DNAAF6: variants seen among roughly 807,000 people sequenced by gnomAD.
DNAAF6 encodes PIH1 domain containing 3.
Under a neutral mutation model 13.7 loss-of-function variants are expected in DNAAF6, and 3 were observed. The ratio of observed to expected loss-of-function variants is 0.22; its 90% CI spans 0.10 to 0.56. The LOEUF is 0.56. Among genes scored for constraint, DNAAF6 ranks in the 20% least tolerant of loss-of-function variants. The probability of loss-of-function intolerance (pLI) is 0.92; values close to 1 mark genes in which losing one functional copy is unlikely to be tolerated. For missense variants in DNAAF6, 130 were observed against 151.0 expected (o/e 0.86, Z 0.73); for synonymous variants, 54 against 49.2 (o/e 1.10, Z -0.41).
At chrX:107,207,963 C>A (rs1310280023) in intron 1 of DNAAF6, among the ~76,000 whole-genome samples, 1 of 110,607 alleles carries the variant, frequency 9.0e-6, no homozygotes. Context: ...TAAAAAGAGT[C>A]CCTCCAACTT....
chrX:107,217,078 AGAT>A (rs946795815), intron 3 of DNAAF6, among the ~76,000 whole-genome samples: 9 of 111,667 alleles, frequency 8.1e-5, no homozygotes, highest in African/African-American at 2.6e-4. Context: ...AATAGAAAAA[AGAT>A]GAACTAAAAT....
At chrX:107,234,832 C>T (rs1248350223) in intron 5 of DNAAF6, among the ~76,000 whole-genome samples, 2 of 111,748 alleles carry the variant, frequency 1.8e-5, no homozygotes, top group Non-Finnish European at 3.8e-5. Context: ...GCTATTTGGA[C>T]TTCTCTTGTC....
Position 107,216,672 on chromosome X carries a change from C to G in DNAAF6, c.155C>G (p.Thr52Arg). ...EEEDDSDYGQ[T>R]NGLSTIGAMG... ...ATTGAACTTTTTCTCCTCCCTCAGACAAATGGTTTATCTACTATTGGAGCC... is the reference window on the plus strand; with the variant it reads ...ATTGAACTTTTTCTCCTCCCTCAGAGAAATGGTTTATCTACTATTGGAGCC... Residue 52 changes from threonine (T) to arginine (R), a missense_variant and splice_region_variant, in exon 3 of 7, where the codon ACA becomes AGA. By Grantham distance (71) the Thr-to-Arg change is moderately conservative. Transcript: ENST00000372453. The G allele has an allele frequency of 8.4e-7, 1 of 1,186,882 alleles. No individual in the cohort carries two copies. The highest frequency in any genetic ancestry group is 1.1e-6 in the Non-Finnish European group (1 of 879,286).
At chrX:107,231,339 G>C (rs1446460180) in intron 5 of DNAAF6, among the ~76,000 whole-genome samples, 2 of 111,450 alleles carry the variant, frequency 1.8e-5, no homozygotes, top group Admixed American at 9.5e-5. Context: ...CATTGAGGGA[G>C]GGGAAGTGTG....
intron 2 of DNAAF6, 78 bp downstream of exon 2, chrX:107,213,106 C>T (rs1032089592): frequency 2.4e-4 from 237 of 992,920 alleles, no homozygotes; most frequent in Non-Finnish European, 3.0e-4. Context: ...CTGTTCCCAC[C>T]TAGCTGTGGG....
chrX:107,215,459 A>G (rs1602678811), intron 2 of DNAAF6, among the ~76,000 whole-genome samples: 1 of 106,587 alleles, frequency 9.4e-6, no homozygotes, highest in African/African-American at 3.9e-5. Context: ...AAAAAGAGGG[A>G]AAAAAATGTC....
At chrX:107,209,863 A>G (rs1229654245) in intron 1 of DNAAF6, among the ~76,000 whole-genome samples, 2 of 112,469 alleles carry the variant, frequency 1.8e-5, no homozygotes, top group African/African-American at 3.2e-5. Context: ...TCTACAATTA[A>G]CTGATGTCAA....
intron 1 of DNAAF6, among the ~76,000 whole-genome samples, chrX:107,209,567 G>A (rs2147824971): frequency 9.0e-6 from 1 of 111,275 alleles, no homozygotes; most frequent in Admixed American, 9.5e-5. Context: ...CAGGTAGCTG[G>A]GATTACAGGC....
intron 3 of DNAAF6, 74 bp from the exon 4 acceptor site, chrX:107,218,790 T>C (rs771441074): frequency 1.0e-6 from 1 of 993,247 alleles, no homozygotes; most frequent in East Asian, 3.3e-5. Flanking sequence ...CCAAACTGAG[T>C]GTGAAGAAGA....
intron 1 of DNAAF6, among the ~76,000 whole-genome samples, chrX:107,210,126 C>T (rs1927819599): frequency 9.0e-6 from 1 of 111,042 alleles, no homozygotes; most frequent in Admixed American, 9.6e-5. Context: ...TATGAAGACC[C>T]CAAGTACTCA....
At chrX:107,211,743 A>G (rs1347574953) in intron 1 of DNAAF6, among the ~76,000 whole-genome samples, 1 of 112,024 alleles carries the variant, frequency 8.9e-6, no homozygotes, top group African/African-American at 3.2e-5. Context: ...GAATATCCTC[A>G]AAGAAGAAAA....
chrX:107,211,108 T>C (rs1927845607), intron 1 of DNAAF6, among the ~76,000 whole-genome samples: 1 of 112,409 alleles, frequency 8.9e-6, no homozygotes, highest in Non-Finnish European at 1.9e-5. Flanking sequence ...TGAATTTTAA[T>C]AAATGTTTTT....
intron 4 of DNAAF6, among the ~76,000 whole-genome samples, chrX:107,220,921 TTCTTTCTTTCTTTCTTTC>T (rs1464678652): frequency 3.7e-4 from 29 of 78,235 alleles, no homozygotes; most frequent in Admixed American, 3.6e-3. Context: ...CTTTCTTTCT[TTCTTTCTTTCTTTCTTTC>T]TTTCTTTCTT....
chrX:107,228,897 A>G (rs1484081945), intron 5 of DNAAF6, among the ~76,000 whole-genome samples: 1 of 110,826 alleles, frequency 9.0e-6, no homozygotes, highest in Non-Finnish European at 1.9e-5. Context: ...CTGGCATTAC[A>G]GGCATGGGCC....
chrX:107,243,499 A>G lies in DNAAF6; in HGVS notation c.*201A>G, dbSNP rs1602693996. Reference sequence around the variant, plus strand: ...AAATATGTTTCCTTGGCCAGGTGCAATGGCTCATGCCTGTAATCCCAACAC... The same window carrying G: ...AAATATGTTTCCTTGGCCAGGTGCAGTGGCTCATGCCTGTAATCCCAACAC... On this transcript the variant is annotated 3_prime_UTR_variant, in exon 7 of 7. Transcript: ENST00000372453. 1 of 457,238 alleles carries G rather than the reference A, an allele frequency of 2.2e-6. No homozygotes were observed. Among genetic ancestry groups the G allele is most frequent in the African/African-American group, 2.5e-5 (1 of 39,641 alleles). The allele number at this position is 457,238 out of a possible 1,213,427, so 37.7% of individuals were successfully genotyped here.
intron 4 of DNAAF6, among the ~76,000 whole-genome samples, chrX:107,221,801 C>A (rs1602682436): frequency 9.1e-6 from 1 of 110,450 alleles, no homozygotes; most frequent in East Asian, 2.8e-4. Context: ...TCAGAGAAAT[C>A]CCTTTTTTAT....
chrX:107,222,900 CTA>C, intron 5 of DNAAF6, 59 bp downstream of exon 5: 2 of 1,142,582 alleles, frequency 1.8e-6, no homozygotes, highest in African/African-American at 1.8e-5. Flanking sequence ...AATTGACTGA[CTA>C]TTATTTACAT....
chrX:107,222,975 G>A (rs2147831509), intron 5 of DNAAF6, 134 bp downstream of exon 5: 1 of 810,442 alleles, frequency 1.2e-6, no homozygotes, highest in Non-Finnish European at 1.6e-6. Flanking sequence ...ACGTACTAGG[G>A]TAACAATGGG....
intron 2 of DNAAF6, 68 bp downstream of exon 2, chrX:107,213,096 C>T: frequency 1.9e-6 from 2 of 1,031,477 alleles, no homozygotes; most frequent in South Asian, 2.8e-5. Flanking sequence ...TTTGAATAAC[C>T]TGTTCCCACC....
Sources: allele counts gnomAD v4.1 joint callset (sites outside exome capture counted in the v4.1 genomes callset), GRCh38; gene constraint gnomAD v4.1.1; transcripts MANE v1.5; gene names NCBI Gene and HGNC (gene_info 2026-07-23, HGNC 2026-07-21).